Variants in TAPBPL observed in about 807,000 individuals in gnomAD.
The protein encoded by TAPBPL is tapasin-related protein.
Under a neutral mutation model 44.8 loss-of-function variants are expected in TAPBPL, and 32 were observed. The ratio of observed to expected loss-of-function variants is 0.71; its 90% CI spans 0.54 to 0.96. The LOEUF (loss-of-function observed/expected upper bound fraction) is 0.96. Among genes scored for constraint, TAPBPL ranks in the 40% least tolerant of loss-of-function variants. The pLI, the probability that TAPBPL is intolerant of heterozygous loss-of-function variation, is 0.00. For synonymous variants in TAPBPL, 230 were observed against 240.7 expected, an observed-to-expected ratio of 0.96 and a Z score of 0.41; for missense variants, 520 against 586.6, an observed-to-expected ratio of 0.89 and a Z score of 1.17.
chr12:6,453,744 G>T lies in TAPBPL; in HGVS notation c.565+28G>T. The T allele has an allele frequency of 6.4e-7, 1 of 1,557,282 alleles. No homozygotes were observed. The highest frequency in any genetic ancestry group is 1.2e-5 in the South Asian group (1 of 83,078). The stretch of plus-strand genomic sequence containing the variant: ...AAGAAAATGAAAAGCAAGGCCAGGT[G>T]TGGTGGCTCACGCCTGTAATTCCAG... On this transcript the variant is annotated intron_variant, in intron 3 of 6. Transcript: ENST00000266556. This position sits in a 1 kb window ranked among gnomAD's most constrained non-coding sequence, Gnocchi z 4.8.
chr12:6,464,541 A>C (rs1949955543), downstream of TAPBPL: 14 of 1,469,494 alleles, frequency 9.5e-6, no homozygotes, highest in Non-Finnish European at 1.3e-5. Flanking sequence ...ACAGGAGAAA[A>C]CAAGAGGGTG....
chr12:6,470,678 G>A (rs1463536247), downstream of TAPBPL: 10 of 1,010,694 alleles, frequency 9.9e-6, no homozygotes, highest in Admixed American at 6.1e-5. Context: ...GGAACTTACT[G>A]CAGCTGCCGC....
chr12:6,467,725 C>T (rs1565528188), downstream of TAPBPL, among the ~76,000 whole-genome samples: 1 of 152,280 alleles, frequency 6.6e-6, no homozygotes, highest in Non-Finnish European at 1.5e-5. Context: ...CCTGGAGGCC[C>T]AGGAGGAAAA....
chr12:6,470,406 C>T, downstream of TAPBPL: 1 of 1,460,584 alleles, frequency 6.8e-7, no homozygotes, highest in Non-Finnish European at 9.4e-7. Context: ...GGAAGCGGCG[C>T]GCGGTGGTAG....
chr12:6,471,899 A>G, the TAPBPL span, among the ~76,000 whole-genome samples: 1 of 152,188 alleles, frequency 6.6e-6, no homozygotes, highest in Non-Finnish European at 1.5e-5. This position sits in a 1 kb window ranked among gnomAD's most constrained non-coding sequence, Gnocchi z 4.0. Flanking sequence ...TTTTTGTTTT[A>G]CATGTATTGA....
intron 4 of TAPBPL, 51 bp from the exon 5 acceptor site, chr12:6,458,594 G>A (rs754826889): frequency 1.4e-5 from 22 of 1,587,254 alleles, no homozygotes; most frequent in Admixed American, 1.7e-5. Flanking sequence ...AGGCTCCTCC[G>A]CTGTCCCCAG....
chr12:6,452,752 T>A, intron 1 of TAPBPL: 1 of 610,660 alleles, frequency 1.6e-6, no homozygotes, highest in Non-Finnish European at 2.6e-6. Context: ...CGGTGGCACT[T>A]GCTTGTTTTC....
intron 5 of TAPBPL, among the ~76,000 whole-genome samples, chr12:6,459,175 T>C (rs1949780720): frequency 1.3e-5 from 2 of 152,212 alleles, no homozygotes; most frequent in African/African-American, 4.8e-5. Flanking sequence ...TCAGGCAATG[T>C]GCTTAAGGCT....
chr12:6,470,386 G>T, downstream of TAPBPL: 2 of 1,240,258 alleles, frequency 1.6e-6, no homozygotes, highest in Non-Finnish European at 2.3e-6. Flanking sequence ...CCCTGGGGGT[G>T]GCCCGGTCCG....
chr12:6,463,063 C>T, downstream of TAPBPL: 2 of 1,539,036 alleles, frequency 1.3e-6, no homozygotes, highest in South Asian at 1.2e-5. The surrounding 1 kb of genome is among the most constrained non-coding windows in gnomAD (Gnocchi z 4.0). Context: ...CTGGGCTTAT[C>T]CCACATTAAT....
chr12:6,466,406 GGCGTGGTAGCACACACCTGTA>G, downstream of TAPBPL: 1 of 1,574,020 alleles, frequency 6.4e-7, no homozygotes, highest in Non-Finnish European at 8.6e-7. Context: ...AAAGGAGCTG[GGCGTGGTAGCACACACCTGTA>G]GTCCCAGCTA....
chr12:6,454,857 C>T (rs879716209), intron 3 of TAPBPL, among the ~76,000 whole-genome samples: 1 of 152,152 alleles, frequency 6.6e-6, no homozygotes, highest in Non-Finnish European at 1.5e-5. Context: ...TAATCCAATA[C>T]TCTGTGCCCT....
At chr12:6,471,859 T>G in the TAPBPL span, among the ~76,000 whole-genome samples, 2 of 152,162 alleles carry the variant, frequency 1.3e-5, no homozygotes, top group Non-Finnish European at 1.5e-5. The surrounding 1 kb of genome is among the most constrained non-coding windows in gnomAD (Gnocchi z 4.0). Flanking sequence ...GCAAATTATC[T>G]GTGACAAATG....
downstream of TAPBPL, among the ~76,000 whole-genome samples, chr12:6,467,594 T>G (rs1945660370): frequency 6.6e-6 from 1 of 152,154 alleles, no homozygotes; most frequent in Non-Finnish European, 1.5e-5. Flanking sequence ...TGAGAAGAAA[T>G]TCAAGGCAGC....
chr12:6,470,103 T>A (rs1945732253), downstream of TAPBPL, among the ~76,000 whole-genome samples: 1 of 152,116 alleles, frequency 6.6e-6, no homozygotes, highest in Non-Finnish European at 1.5e-5. Context: ...CAACATAAGT[T>A]ACCAACTGGC....
downstream of TAPBPL, among the ~76,000 whole-genome samples, chr12:6,468,969 C>A (rs1326380872): frequency 6.6e-6 from 1 of 152,124 alleles, no homozygotes; most frequent in Non-Finnish European, 1.5e-5. Context: ...ACAAAGTCAC[C>A]TAAAAGGAAA....
downstream of TAPBPL, chr12:6,463,780 TG>T (rs1425236657): frequency 8.4e-7 from 1 of 1,184,636 alleles, no homozygotes; most frequent in Admixed American, 3.8e-5. The surrounding 1 kb of genome is among the most constrained non-coding windows in gnomAD (Gnocchi z 4.0). Context: ...GCTTCTAGGA[TG>T]GAAACAAGTC....
In TAPBPL at chr12:6,453,462, T is replaced by A. The variant is rs1343969081; in HGVS notation, c.311T>A (p.Ile104Asn). 1 of 1,614,144 alleles carries A rather than the reference T, an allele frequency of 6.2e-7. No homozygotes were observed. The highest frequency in any genetic ancestry group is 1.1e-5 in the South Asian group (1 of 91,076). The change falls in exon 3 of 7, where the codon ATT becomes AAT. Residue 104 changes from isoleucine to asparagine, a missense_variant. Coordinates refer to ENST00000266556, the MANE Select transcript of TAPBPL (RefSeq NM_018009.5). This position sits in a 1 kb window ranked among gnomAD's most constrained non-coding sequence, Gnocchi z 4.8. The part of the protein sequence containing the change: ...IFEASVDLVQ[I>N]PQAEALLHAD... ...TTCTCCCCAGTGGACCTGGTCCAGA[T>A]TCCCCAGGCCGAGGCCTTGCTCCAT...
At chr12:6,463,471 C>T, downstream of TAPBPL, 4 of 1,039,534 alleles carry the variant, frequency 3.8e-6, no homozygotes, top group Non-Finnish European at 4.6e-6. The surrounding 1 kb of genome is among the most constrained non-coding windows in gnomAD (Gnocchi z 4.0). Flanking sequence ...AAAGATCTCA[C>T]ACTGCTAACA....
Sources: gnomAD v4.1 joint callset for allele counts (sites outside exome capture counted in the v4.1 genomes callset) on GRCh38, gnomAD v4.1.1 for gene constraint, Gnocchi (gnomAD v3.1) non-coding constraint, MANE v1.5 for transcripts, NCBI Gene and HGNC (gene_info 2026-07-23, HGNC 2026-07-21) for gene names.